Variants in CSMD1 observed in about 807,000 individuals in gnomAD.
CSMD1 encodes the protein CUB and sushi domain-containing protein 1.
A neutral mutation model predicts 417.5 loss-of-function variants in CSMD1; 213 were observed. The observed-to-expected ratio is 0.51, with a 90% CI of 0.46 to 0.57. The LOEUF is 0.57. CSMD1 is among the 20% of genes least tolerant of loss of function. CSMD1 has a pLI of 0.00. For missense variants in CSMD1, 6,923 were observed against 4,529.7 expected, an observed-to-expected ratio of 1.53 and a Z score of -15.17; for synonymous variants, 2,862 against 1,736.8, an observed-to-expected ratio of 1.65 and a Z score of -16.11.
At chr8:4,774,920 C>A (rs1796771746) in intron 1 of CSMD1, among the ~76,000 whole-genome samples, 1 of 152,132 alleles carries the variant, frequency 6.6e-6, no homozygotes, top group Admixed American at 6.5e-5. Context: ...CAGCTTCCAG[C>A]ATGATGTTCT....
At chr8:4,361,676 T>A (rs927758807) in intron 3 of CSMD1, among the ~76,000 whole-genome samples, 1 of 152,212 alleles carries the variant, frequency 6.6e-6, no homozygotes, top group Non-Finnish European at 1.5e-5. Context: ...AGCAGCCAGG[T>A]GCGACGGCTT....
chr8:4,176,541 C>A (rs1052653363), intron 3 of CSMD1, among the ~76,000 whole-genome samples: 5 of 152,066 alleles, frequency 3.3e-5, no homozygotes, highest in African/African-American at 1.2e-4. Flanking sequence ...CATTCTGATC[C>A]CTACTAATAT....
chr8:3,416,051 T>C (rs1318503908), intron 12 of CSMD1, among the ~76,000 whole-genome samples: 2 of 152,118 alleles, frequency 1.3e-5, no homozygotes, highest in Non-Finnish European at 2.9e-5. Flanking sequence ...CCTGTAATCC[T>C]AGCACTTTGG....
chr8:3,914,056 G>C (rs898371073), intron 5 of CSMD1, among the ~76,000 whole-genome samples: 2 of 152,120 alleles, frequency 1.3e-5, no homozygotes, highest in Admixed American at 1.3e-4. Context: ...GTAATATTAA[G>C]TGGAAATGAT....
At chr8:4,121,327 C>A (rs1354432504) in intron 3 of CSMD1, among the ~76,000 whole-genome samples, 3 of 152,180 alleles carry the variant, frequency 2.0e-5, no homozygotes, top group Middle Eastern at 3.4e-3. Context: ...GTTGGCCAGG[C>A]TGGTCTCAAA....
chr8:3,323,232 C>G (rs889564226), intron 23 of CSMD1, among the ~76,000 whole-genome samples: 1 of 152,198 alleles, frequency 6.6e-6, no homozygotes, highest in South Asian at 2.1e-4. Context: ...AAAAACCTAA[C>G]ACAAATGACA....
chr8:4,164,113 T>A (rs1797320188), intron 3 of CSMD1, among the ~76,000 whole-genome samples: 1 of 126,776 alleles, frequency 7.9e-6, no homozygotes, highest in Admixed American at 8.2e-5. Context: ...AAGAATACTT[T>A]TAAATTTTAT....
At chr8:3,524,592 GAC>G (rs1797676591) in intron 10 of CSMD1, among the ~76,000 whole-genome samples, 1 of 136,106 alleles carries the variant, frequency 7.3e-6, no homozygotes, top group Admixed American at 7.3e-5. Context: ...CACACACAAG[GAC>G]ACACATCCAC....
At chr8:3,847,924 G>C (rs145485401) in intron 5 of CSMD1, among the ~76,000 whole-genome samples, 17 of 152,204 alleles carry the variant, frequency 1.1e-4, no homozygotes, top group Middle Eastern at 3.4e-3. Flanking sequence ...ATAAAGGTAA[G>C]TGCATATTTT....
intron 5 of CSMD1, among the ~76,000 whole-genome samples, chr8:3,865,005 G>T (rs976707715): frequency 5.3e-5 from 8 of 152,152 alleles, no homozygotes; most frequent in Non-Finnish European, 7.3e-5. Context: ...GTCTGGTTGA[G>T]GTGCTAGCTA....
chr8:3,513,189 T>C (rs908562072), intron 10 of CSMD1, among the ~76,000 whole-genome samples: 2 of 152,042 alleles, frequency 1.3e-5, no homozygotes, highest in African/African-American at 2.4e-5. Flanking sequence ...TGGCAAACTT[T>C]GGGAAAAAAA....
chr8:3,155,573 T>C (rs1328724903), intron 39 of CSMD1, among the ~76,000 whole-genome samples: 1 of 151,774 alleles, frequency 6.6e-6, no homozygotes, highest in Non-Finnish European at 1.5e-5. Flanking sequence ...TTTACCGTGT[T>C]AGCCAGGATG....
chr8:4,953,576 C>G (rs13273876), intron 1 of CSMD1, among the ~76,000 whole-genome samples: 2 of 152,010 alleles, frequency 1.3e-5, no homozygotes, highest in Non-Finnish European at 2.9e-5. Flanking sequence ...TGTTGAGAAA[C>G]GATTGTCAAC....
chr8:4,261,891 G>C (rs1257408110), intron 3 of CSMD1, among the ~76,000 whole-genome samples: 1 of 152,104 alleles, frequency 6.6e-6, no homozygotes, highest in Non-Finnish European at 1.5e-5. Flanking sequence ...TTAAAAAGTA[G>C]ATGTGGAACT....
chr8:4,972,616 A>G (rs1361483106), intron 1 of CSMD1, among the ~76,000 whole-genome samples: 1 of 152,166 alleles, frequency 6.6e-6, no homozygotes, highest in African/African-American at 2.4e-5. Flanking sequence ...AGTTCTTTAT[A>G]GCAGTATGAA....
chr8:3,267,340 C>T (rs568559276), intron 26 of CSMD1, among the ~76,000 whole-genome samples: 3 of 152,314 alleles, frequency 2.0e-5, no homozygotes, highest in Non-Finnish European at 2.9e-5. Context: ...TCATCTATCG[C>T]GTACGAAAGG....
intron 1 of CSMD1, among the ~76,000 whole-genome samples, chr8:4,969,878 G>A (rs1329173638): frequency 1.3e-5 from 2 of 151,928 alleles, no homozygotes; most frequent in African/African-American, 4.8e-5. Flanking sequence ...GTGTCACTAC[G>A]AGTGTATCAA....
At chr8:4,914,784 C>T (rs1036062596) in intron 1 of CSMD1, among the ~76,000 whole-genome samples, 10 of 152,070 alleles carry the variant, frequency 6.6e-5, no homozygotes, top group Non-Finnish European at 1.5e-4. Context: ...CATGAGTTCC[C>T]ATGTAACCAC....
intron 5 of CSMD1, among the ~76,000 whole-genome samples, chr8:3,759,938 G>A (rs1797898562): frequency 6.7e-6 from 1 of 149,198 alleles, no homozygotes. Flanking sequence ...GAGGAACGGG[G>A]AAATAATGGT....
Sources: gnomAD v4.1 joint callset for allele counts (sites outside exome capture counted in the v4.1 genomes callset) on GRCh38, gnomAD v4.1.1 for gene constraint, MANE v1.5 for transcripts, NCBI Gene and HGNC (gene_info 2026-07-23, HGNC 2026-07-21) for gene names.